Variants in ME1 observed in about 807,000 individuals in gnomAD.
ME1 encodes the protein malic enzyme 1, also known as NADP-dependent malic enzyme.
Under a neutral mutation model 66.4 loss-of-function variants are expected in ME1, and 74 were observed. The ratio of observed to expected loss-of-function variants is 1.11; its 90% CI spans 0.92 to 1.35. The LOEUF is 1.35. ME1 is among the 40% of genes most tolerant of loss of function. The pLI is 0.00. For synonymous variants in ME1, 251 were observed against 235.6 expected (o/e 1.07, Z -0.60); for missense variants, 750 against 694.1 (o/e 1.08, Z -0.90).
chr6:83,258,640 A>G (rs768677735), intron 6 of ME1, among the ~76,000 whole-genome samples: 5 of 152,224 alleles, frequency 3.3e-5, no homozygotes, highest in Admixed American at 6.5e-5. Context: ...ACTAATCACT[A>G]TATCTAGCAC....
chr6:83,261,080 A>G (rs944853855), intron 6 of ME1, among the ~76,000 whole-genome samples: 1 of 152,160 alleles, frequency 6.6e-6, no homozygotes, highest in Admixed American at 6.5e-5. Context: ...CCCACCAGCT[A>G]TGTATAAGCA....
rs1767700159 is a variant in ME1, at chr6:83,300,758, T to A, written c.704+14552A>T. Among the ~76,000 whole-genome samples, 2 of 152,016 alleles carry A rather than the reference T, an allele frequency of 1.3e-5. 1 individual carries two copies. The highest frequency in any genetic ancestry group is 4.8e-5 in the African/African-American group (2 of 41,376). ...AAGACACAAGCACACGTATGTTTATTGCGGCACTATTCACAATAGCAAAGA... is the reference window on the plus strand; with the variant it reads ...AAGACACAAGCACACGTATGTTTATAGCGGCACTATTCACAATAGCAAAGA... On this transcript the variant is annotated intron_variant, in intron 6 of 13. Coordinates refer to ENST00000369705, the MANE Select transcript of ME1 (RefSeq NM_002395.6).
chr6:83,361,640 G>A (rs1769008694), intron 3 of ME1, among the ~76,000 whole-genome samples: 1 of 152,222 alleles, frequency 6.6e-6, no homozygotes, highest in Non-Finnish European at 1.5e-5. Context: ...GCAAGGCCCT[G>A]CCATCTTCTG....
intron 4 of ME1, among the ~76,000 whole-genome samples, chr6:83,348,636 C>T (rs1768731891): frequency 2.0e-5 from 3 of 151,276 alleles, no homozygotes; most frequent in Non-Finnish European, 4.4e-5. Context: ...TAACTTTTCA[C>T]TTATTTTTGA....
intron 3 of ME1, among the ~76,000 whole-genome samples, chr6:83,359,834 G>A (rs990194997): frequency 1.3e-5 from 2 of 152,152 alleles, no homozygotes; most frequent in African/African-American, 4.8e-5. Flanking sequence ...GATGTAACAT[G>A]GGAACTACAG....
intron 1 of ME1, among the ~76,000 whole-genome samples, chr6:83,425,535 T>C (rs978662249): frequency 6.6e-6 from 1 of 152,056 alleles, no homozygotes. Context: ...GGAAAGCCCC[T>C]TATAAAACCA....
chr6:83,246,071 A>G (rs1173351106), intron 7 of ME1, among the ~76,000 whole-genome samples: 1 of 152,158 alleles, frequency 6.6e-6, no homozygotes, highest in Non-Finnish European at 1.5e-5. Context: ...ATTTTGTCAA[A>G]TAAGTGGTGA....
At chr6:83,400,108 G>A (rs144501294) in intron 2 of ME1, among the ~76,000 whole-genome samples, 1 of 152,094 alleles carries the variant, frequency 6.6e-6, no homozygotes, top group East Asian at 1.9e-4. Context: ...TTCCTTTTCT[G>A]TTTCCTTGCT....
Position 83,227,313 on chromosome 6 carries a change from ATC to A in ME1, c.1275+20_1275+21del. 6.9e-7 allele frequency: 1 copy of A among 1,451,074 alleles called. No homozygotes were observed. The allele number at this position is 1,451,074 out of a possible 1,614,324, so 89.9% of individuals were successfully genotyped here. On this transcript the variant is annotated intron_variant, in intron 11 of 13. Coordinates refer to ENST00000369705, the MANE Select transcript of ME1 (RefSeq NM_002395.6). ...TGAATAAAAATTTGATTATTAAAAT[ATC>A]TGTTATAGTTTTACTTTACCTTGGT...
chr6:83,356,718 ATTC>A (rs1768896914), intron 3 of ME1, among the ~76,000 whole-genome samples: 1 of 151,374 alleles, frequency 6.6e-6, no homozygotes, highest in Admixed American at 6.7e-5. Flanking sequence ...AATTCTTTGA[ATTC>A]TTCTTTGAAG....
intron 6 of ME1, among the ~76,000 whole-genome samples, chr6:83,268,817 C>G (rs1767035903): frequency 6.6e-6 from 1 of 151,332 alleles, no homozygotes; most frequent in Non-Finnish European, 1.5e-5. Context: ...GTCTTGAACT[C>G]CTGAGCTCAA....
intron 9 of ME1, among the ~76,000 whole-genome samples, chr6:83,233,051 A>G (rs1158136573): frequency 6.6e-6 from 1 of 152,100 alleles, no homozygotes; most frequent in Non-Finnish European, 1.5e-5. Context: ...GTCAGCATTA[A>G]TTTCGTTTAT....
At chr6:83,319,683 C>G (rs944263257) in intron 5 of ME1, among the ~76,000 whole-genome samples, 1 of 152,136 alleles carries the variant, frequency 6.6e-6, no homozygotes, top group African/African-American at 2.4e-5. Flanking sequence ...GAAGGCAAAA[C>G]CAAAAGCCCA....
intron 9 of ME1, among the ~76,000 whole-genome samples, chr6:83,230,128 GTTT>G (rs201960546): frequency 6.7e-6 from 1 of 149,936 alleles, no homozygotes; most frequent in African/African-American, 2.5e-5. Context: ...GCCAGGCTCT[GTTT>G]TTTTTTGTTG....
chr6:83,405,230 T>A lies in ME1; in HGVS notation c.212+2538A>T, dbSNP rs1769916979. On this transcript the variant is annotated intron_variant, in intron 2 of 13. Transcript: ENST00000369705. ...TTGAAGAGGTCCTTCACATCCCTTG[T>A]TAGTTGTATTCCCGGGTATTTTATT... Among the ~76,000 whole-genome samples, 5 of 152,206 alleles carry A rather than the reference T, an allele frequency of 3.3e-5. No individual in the cohort carries two copies. The South Asian group carries it at 1.0e-3, about 31-fold the overall frequency.
At chr6:83,300,481 T>C (rs371053665) in intron 6 of ME1, among the ~76,000 whole-genome samples, 2 of 152,146 alleles carry the variant, frequency 1.3e-5, no homozygotes, top group African/African-American at 4.8e-5. Flanking sequence ...ATTTGTAAAC[T>C]ATGCATCTGA....
chr6:83,289,378 G>T (rs1408226353), intron 6 of ME1, among the ~76,000 whole-genome samples: 1 of 152,116 alleles, frequency 6.6e-6, no homozygotes, highest in Non-Finnish European at 1.5e-5. Context: ...GAATATTGTT[G>T]AAGGCCTTTT....
In ME1 at chr6:83,238,765, C is replaced by A. The variant is rs571910426; in HGVS notation, c.912+774G>T. Among the ~76,000 whole-genome samples, 408 of 142,532 alleles carry A rather than the reference C, an allele frequency of 2.9e-3. 4 individuals are homozygous for A. Among genetic ancestry groups the A allele is most frequent in the African/African-American group, 0.01 (394 of 39,376 alleles). 93.5% of individuals were successfully genotyped at this position (142,532 alleles called of 152,430 possible). A position where few individuals can be genotyped will look rare whatever the true frequency, so the allele number is the denominator to read the frequency against. ...TGTAACATATTGTTGTGTTCATAAT[C>A]ATATTCAATTTGAAAATTTAAAGTT... On this transcript the variant is annotated intron_variant, in intron 8 of 13. Transcript: ENST00000369705.
chr6:83,329,186 C>CTTT (rs1768359995), intron 5 of ME1, among the ~76,000 whole-genome samples: 1 of 152,070 alleles, frequency 6.6e-6, no homozygotes, highest in African/African-American at 2.4e-5. Context: ...TGTTTGAGAG[C>CTTT]ACTGAAAAGT....
Sources: gnomAD v4.1 joint callset for allele counts (sites outside exome capture counted in the v4.1 genomes callset) on GRCh38, gnomAD v4.1.1 for gene constraint, MANE v1.5 for transcripts, NCBI Gene and HGNC (gene_info 2026-07-23, HGNC 2026-07-21) for gene names.